The following SAMD4A variants were observed in gnomAD, a reference collection of about 807,000 sequenced individuals.
SAMD4A encodes protein Smaug homolog 1.
In SAMD4A, 33 loss-of-function variants were observed where a neutral mutation model predicts 81.3. The observed-to-expected ratio is 0.41, with a 90% CI of 0.31 to 0.54. The LOEUF (loss-of-function observed/expected upper bound fraction) is 0.54. SAMD4A is among the 20% of genes least tolerant of loss of function. The pLI, the probability that SAMD4A is intolerant of heterozygous loss-of-function variation, is 0.37. For missense variants in SAMD4A, 854 were observed against 951.1 expected (o/e 0.90, Z 1.34); for synonymous variants, 389 against 382.1 (o/e 1.02, Z -0.21).
In SAMD4A at chr14:54,696,368, A is replaced by G. The variant is rs541582811; in HGVS notation, c.197-5694A>G. 1.3e-4 allele frequency among the ~76,000 whole-genome samples: 20 copies of G among 152,306 alleles called. 1 individual carries two copies. The South Asian group carries it at 3.9e-3, about 30-fold the overall frequency. On this transcript the variant is annotated intron_variant, in intron 2 of 12. Transcript: ENST00000554335. ...TTAGTACATGATGTGTCTAGGATTG[A>G]CTTTGTAACATTCTTCCAAGGAGTC...
intron 2 of SAMD4A, chr14:54,694,617 AT>A (rs1380036243): frequency 1.0e-6 from 1 of 985,504 alleles, no homozygotes. Flanking sequence ...AGTTGTCTGC[AT>A]ACTCATGGGC....
At chr14:54,743,112 G>A (rs573513802) in intron 4 of SAMD4A, among the ~76,000 whole-genome samples, 3 of 152,188 alleles carry the variant, frequency 2.0e-5, no homozygotes, top group Non-Finnish European at 4.4e-5. Flanking sequence ...AAGAAAGGTT[G>A]CAGATACAGC....
intron 8 of SAMD4A, among the ~76,000 whole-genome samples, chr14:54,768,951 A>C (rs1355742535): frequency 6.6e-6 from 1 of 152,148 alleles, no homozygotes; most frequent in Non-Finnish European, 1.5e-5. Flanking sequence ...TGTTTCCTTT[A>C]TGGGAACTAG....
chr14:54,671,735 A>C (rs2035884456), intron 2 of SAMD4A, among the ~76,000 whole-genome samples: 1 of 152,244 alleles, frequency 6.6e-6, no homozygotes, highest in Non-Finnish European at 1.5e-5. Flanking sequence ...AGGTTTCTAC[A>C]TCTCAGTGCC....
At chr14:54,678,477 G>A in intron 2 of SAMD4A, among the ~76,000 whole-genome samples, 1 of 77,374 alleles carries the variant, frequency 1.3e-5, no homozygotes, top group Non-Finnish European at 3.4e-5. Flanking sequence ...GTGTGTGTGT[G>A]TGTGTGTGTG....
Position 54,691,280 on chromosome 14 carries a change from A to G in SAMD4A, c.197-10782A>G, listed in dbSNP as rs377110120. On this transcript the variant is annotated intron_variant, in intron 2 of 12. Transcript: ENST00000554335. ...GCCCTTGTCTGGAGACATTATCCCT[A>G]TGAGCTCTGAGGTCTTGTCTCCTTC... Among the ~76,000 whole-genome samples the G allele has an allele frequency of 9.9e-5, 15 of 152,198 alleles. No individual in the cohort carries two copies. The South Asian group carries it at 2.1e-3, about 21-fold the overall frequency.
At chr14:54,593,053 T>C (rs892235558) in intron 2 of SAMD4A, among the ~76,000 whole-genome samples, 2 of 152,258 alleles carry the variant, frequency 1.3e-5, no homozygotes, top group Non-Finnish European at 2.9e-5. Flanking sequence ...TAGAATGATA[T>C]AATAAACCCC....
intron 2 of SAMD4A, among the ~76,000 whole-genome samples, chr14:54,665,384 A>G (rs532214860): frequency 4.9e-4 from 74 of 152,304 alleles, no homozygotes; most frequent in African/African-American, 1.7e-3. Flanking sequence ...ACTGTCCTTC[A>G]TTTCAGTTAT....
chr14:54,611,750 G>T (rs1042042736), intron 2 of SAMD4A, among the ~76,000 whole-genome samples: 2 of 151,982 alleles, frequency 1.3e-5, no homozygotes, highest in Non-Finnish European at 2.9e-5. Flanking sequence ...GGTGGCAAAT[G>T]CCTGTAATCC....
chr14:54,598,876 A>G (rs1246541679), intron 2 of SAMD4A, among the ~76,000 whole-genome samples: 4 of 151,650 alleles, frequency 2.6e-5, no homozygotes, highest in African/African-American at 9.7e-5. Flanking sequence ...GCTGGAGTAC[A>G]GTGGTGTGAT....
chr14:54,715,419 T>G (rs1419859553), intron 3 of SAMD4A, among the ~76,000 whole-genome samples: 1 of 152,004 alleles, frequency 6.6e-6, no homozygotes, highest in East Asian at 1.9e-4. Flanking sequence ...GAGAGTGAAA[T>G]GTCTAGGAGA....
rs1555347508 is a variant in SAMD4A, at chr14:54,724,007, T to TGGAAGGAAGAA, written c.716-13008_716-13007insAAGGAAGGAAG. Among the ~76,000 whole-genome samples, 11 of 124,252 alleles carry TGGAAGGAAGAA rather than the reference T, an allele frequency of 8.9e-5. No individual in the cohort carries two copies. The East Asian group carries it at 1.5e-3, about 17-fold the overall frequency. The allele number at this position is 124,252 out of a possible 152,430, so 81.5% of individuals were successfully genotyped here. ...AGCAAATATTGGATGGATGGATGGATGGAAGGAAGGAAGGAAGGAAGGAAG... is the reference window on the plus strand; with the variant it reads ...AGCAAATATTGGATGGATGGATGGATGGAAGGAAGAAGGAAGGAAGGAAGGAAGGAAGGAAG... On this transcript the variant is annotated intron_variant, in intron 3 of 12. Transcript: ENST00000554335.
intron 2 of SAMD4A, among the ~76,000 whole-genome samples, chr14:54,633,908 A>AG (rs550407309): frequency 3.3e-4 from 50 of 152,144 alleles, no homozygotes; most frequent in African/African-American, 1.2e-3. Context: ...GAAGTGTTGG[A>AG]GGGGGGATCT....
chr14:54,665,810 A>G (rs2035745751), intron 2 of SAMD4A, among the ~76,000 whole-genome samples: 1 of 152,248 alleles, frequency 6.6e-6, no homozygotes, highest in Non-Finnish European at 1.5e-5. Context: ...ACTTAAACCC[A>G]GAACAGATAA....
At chr14:54,614,092 A>T (rs1363492939) in intron 2 of SAMD4A, among the ~76,000 whole-genome samples, 1 of 152,240 alleles carries the variant, frequency 6.6e-6, no homozygotes, top group Non-Finnish European at 1.5e-5. Flanking sequence ...TTTAAAGAGC[A>T]TATCCTAACA....
At chr14:54,602,374 A>ACACACG (rs1202335135) in intron 2 of SAMD4A, among the ~76,000 whole-genome samples, 11 of 143,492 alleles carry the variant, frequency 7.7e-5, no homozygotes, top group Non-Finnish European at 1.7e-4. Flanking sequence ...ACACACACAC[A>ACACACG]CGAAACACCA....
intron 2 of SAMD4A, among the ~76,000 whole-genome samples, chr14:54,634,090 A>G (rs972488190): frequency 6.6e-6 from 1 of 152,102 alleles, no homozygotes; most frequent in Admixed American, 6.5e-5. Context: ...GTTCGAGACC[A>G]GCCTGGCCAA....
At chr14:54,709,141 G>C (rs1488409828) in intron 3 of SAMD4A, among the ~76,000 whole-genome samples, 1 of 152,012 alleles carries the variant, frequency 6.6e-6, no homozygotes, top group Non-Finnish European at 1.5e-5. Context: ...GCCGGGTGTG[G>C]TGGTGTGTGT....
At chr14:54,638,263 C>T (rs749599120) in intron 2 of SAMD4A, among the ~76,000 whole-genome samples, 7 of 152,180 alleles carry the variant, frequency 4.6e-5, no homozygotes, top group Non-Finnish European at 5.9e-5. Flanking sequence ...CCGCAGCACA[C>T]GGAGCAGCTG....
Sources: allele counts gnomAD v4.1 joint callset (sites outside exome capture counted in the v4.1 genomes callset), GRCh38; gene constraint gnomAD v4.1.1; transcripts MANE v1.5; gene names NCBI Gene and HGNC (gene_info 2026-07-23, HGNC 2026-07-21).